Variants in ITCH observed in about 807,000 individuals in gnomAD.
ITCH encodes E3 ubiquitin-protein ligase Itchy homolog.
In ITCH, 28 loss-of-function variants were observed where a neutral mutation model predicts 126.8. The ratio of observed to expected loss-of-function variants is 0.22; its 90% CI spans 0.16 to 0.30. The LOEUF (loss-of-function observed/expected upper bound fraction) is 0.30, where lower values mean the gene tolerates loss of function less well. Ranked by LOEUF, ITCH falls within the 10% of genes least tolerant of loss-of-function variation. The pLI, the probability that ITCH is intolerant of heterozygous loss-of-function variation, is 1.00. For missense variants in ITCH, 631 were observed against 1,032.4 expected, an observed-to-expected ratio of 0.61 and a Z score of 5.33; for synonymous variants, 342 against 340.0, an observed-to-expected ratio of 1.01 and a Z score of -0.06.
intron 9 of ITCH, among the ~76,000 whole-genome samples, chr20:34,440,983 A>G (rs1051738053): frequency 3.3e-5 from 5 of 152,148 alleles, no homozygotes; most frequent in African/African-American, 1.2e-4. Context: ...TCAGAAGATC[A>G]TTATAGGCTG....
intron 2 of ITCH, among the ~76,000 whole-genome samples, chr20:34,386,160 G>T (rs1555851878): frequency 1.3e-5 from 2 of 151,114 alleles, no homozygotes; most frequent in Non-Finnish European, 2.9e-5. Flanking sequence ...AGGCTGTAGT[G>T]CAGTGGTGTG....
At chr20:34,476,041 G>C (rs199507930) in intron 16 of ITCH, 1 of 1,437,720 alleles carries the variant, frequency 7.0e-7, no homozygotes, top group Non-Finnish European at 9.8e-7. Flanking sequence ...ACTGTGATCT[G>C]TTAGTCCATA....
At chr20:34,435,021 A>T (rs942660151) in intron 7 of ITCH, among the ~76,000 whole-genome samples, 1 of 152,114 alleles carries the variant, frequency 6.6e-6, no homozygotes, top group African/African-American at 2.4e-5. Context: ...CTACCAAATT[A>T]TTAATTTCTT....
intron 11 of ITCH, 44 bp from the exon 12 acceptor site, chr20:34,449,367 T>A (rs763020072): frequency 8.6e-7 from 1 of 1,168,562 alleles, no homozygotes. Flanking sequence ...GTCAGATAAG[T>A]TGTTAAGTTG....
At chr20:34,404,470 A>C (rs547198080) in intron 3 of ITCH, among the ~76,000 whole-genome samples, 72 of 128,604 alleles carry the variant, frequency 5.6e-4, no homozygotes, top group Non-Finnish European at 8.4e-4. Context: ...CCCAGGCTGG[A>C]GTGCAATGGC....
intron 7 of ITCH, among the ~76,000 whole-genome samples, chr20:34,427,461 C>T (rs923521744): frequency 6.6e-6 from 1 of 151,914 alleles, no homozygotes; most frequent in East Asian, 1.9e-4. Flanking sequence ...AATTAAAAAA[C>T]GGTAGTTAGG....
intron 2 of ITCH, among the ~76,000 whole-genome samples, chr20:34,387,131 C>T (rs1198693526): frequency 6.6e-6 from 1 of 151,424 alleles, no homozygotes; most frequent in Non-Finnish European, 1.5e-5. Flanking sequence ...GGCAAAACCC[C>T]ATCTCTACTA....
intron 23 of ITCH, among the ~76,000 whole-genome samples, chr20:34,494,074 C>G (rs923628844): frequency 1.3e-5 from 2 of 152,160 alleles, no homozygotes; most frequent in Non-Finnish European, 2.9e-5. Context: ...ACTAAAAATA[C>G]AAAAATTAGC....
At chr20:34,448,347 C>T (rs965114653) in intron 11 of ITCH, among the ~76,000 whole-genome samples, 3 of 151,462 alleles carry the variant, frequency 2.0e-5, no homozygotes, top group East Asian at 1.9e-4. Flanking sequence ...GAGCCGAGAT[C>T]GTGCCACTGT....
chr20:34,480,463 G>T, intron 18 of ITCH, 136 bp from the exon 19 acceptor site: 7 of 1,026,356 alleles, frequency 6.8e-6, no homozygotes, highest in Non-Finnish European at 1.0e-5. Context: ...CGGCCTCCCA[G>T]ATTGCTGGGA....
chr20:34,448,082 A>G (rs1003270246), intron 11 of ITCH, among the ~76,000 whole-genome samples: 5 of 152,212 alleles, frequency 3.3e-5, no homozygotes, highest in Admixed American at 6.5e-5. Context: ...TGTCATAATG[A>G]CATTGTGATT....
chr20:34,440,964 T>C (rs1568943846), intron 9 of ITCH, among the ~76,000 whole-genome samples: 1 of 152,114 alleles, frequency 6.6e-6, no homozygotes, highest in South Asian at 2.1e-4. Context: ...TATCAAACTA[T>C]TTTTTTCATC....
intron 2 of ITCH, among the ~76,000 whole-genome samples, chr20:34,384,009 T>A (rs535421609): frequency 6.6e-6 from 1 of 151,692 alleles, no homozygotes; most frequent in Non-Finnish European, 1.5e-5. Flanking sequence ...TGCACCCGGC[T>A]AATTTTGTAT....
chr20:34,508,889 G>A lies in ITCH; in HGVS notation c.*1095G>A, dbSNP rs1313005231. ...AGTCCAAATAGAGGTCAGTGAAACA[G>A]CTTTTGACATCAGATTTTCATTTGA... On this transcript the variant is annotated 3_prime_UTR_variant, in exon 25 of 25. Transcript: ENST00000374864. 1.3e-5 allele frequency: 2 copies of A among 152,126 alleles called. No homozygotes were observed. Among genetic ancestry groups the A allele is most frequent in the Non-Finnish European group, 2.9e-5 (2 of 68,016 alleles). 9.4% of individuals were successfully genotyped at this position (152,126 alleles called of 1,614,324 possible).
chr20:34,408,732 C>T lies in ITCH; in HGVS notation c.152C>T (p.Ser51Leu), dbSNP rs1978509686. 1 of 1,613,786 alleles carries T rather than the reference C, an allele frequency of 6.2e-7. No homozygotes were observed. The highest frequency in any genetic ancestry group is 1.7e-5 in the Admixed American group (1 of 59,988). Residue 51 changes from serine (S) to leucine (L), a missense_variant, in exon 4 of 25, where the codon TCA (serine) becomes TTA (leucine). By Grantham distance (145) the Ser-to-Leu change is moderately radical. Around this residue, in one of 4 missense-constraint regions of ITCH, gnomAD observed 220 missense variants for 265.7 expected, o/e 0.83. Transcript: ENST00000374864. ...PYVEVTVDGQ[S>L]KKTEKCNNTN... ...GTAGAGGTCACAGTAGATGGACAGTCAAAGAAGACAGAAAAATGCAACAAC... is the reference window on the plus strand; with the variant it reads ...GTAGAGGTCACAGTAGATGGACAGTTAAAGAAGACAGAAAAATGCAACAAC...
intron 7 of ITCH, among the ~76,000 whole-genome samples, chr20:34,428,688 G>A (rs1875384725): frequency 1.3e-5 from 2 of 152,086 alleles, no homozygotes; most frequent in African/African-American, 4.8e-5. Flanking sequence ...GAAGTGTTGG[G>A]ATTACAGACA....
At chr20:34,431,934 C>A (rs1205127266) in intron 7 of ITCH, among the ~76,000 whole-genome samples, 5 of 151,608 alleles carry the variant, frequency 3.3e-5, no homozygotes, top group Non-Finnish European at 7.4e-5. Flanking sequence ...ATTCCAGCTA[C>A]TCAGGAGGCT....
chr20:34,434,865 A>G (rs980163942), intron 7 of ITCH, among the ~76,000 whole-genome samples: 4 of 152,196 alleles, frequency 2.6e-5, no homozygotes, highest in African/African-American at 4.8e-5. Context: ...GCTGTAGCCA[A>G]TGTTGGCTTG....
At chr20:34,387,552 G>T (rs369651089) in intron 2 of ITCH, among the ~76,000 whole-genome samples, 1 of 151,288 alleles carries the variant, frequency 6.6e-6, no homozygotes, top group Non-Finnish European at 1.5e-5. Context: ...GATTGTTTCA[G>T]CCCAGGTGGT....
Sources: gnomAD v4.1 joint callset for allele counts (sites outside exome capture counted in the v4.1 genomes callset) on GRCh38, gnomAD v4.1.1 for gene constraint, gnomAD v4.1.1 regional missense constraint, MANE v1.5 for transcripts, NCBI Gene and HGNC (gene_info 2026-07-23, HGNC 2026-07-21) for gene names.